Variants in SAP130 observed in about 807,000 individuals in gnomAD.
The protein encoded by SAP130 is Sin3A associated protein 130.
Under a neutral mutation model 103.2 loss-of-function variants are expected in SAP130, and 16 were observed. The ratio of observed to expected loss-of-function variants is 0.16; its 90% CI spans 0.10 to 0.24. The LOEUF (loss-of-function observed/expected upper bound fraction) is 0.24, where lower values mean the gene tolerates loss of function less well. Ranked by LOEUF, SAP130 falls within the 10% of genes least tolerant of loss-of-function variation. The pLI, the probability that SAP130 is intolerant of heterozygous loss-of-function variation, is 1.00. For synonymous variants in SAP130, 477 were observed against 497.0 expected, an observed-to-expected ratio of 0.96 and a Z score of 0.53; for missense variants, 990 against 1,359.7, an observed-to-expected ratio of 0.73 and a Z score of 4.28.
chr2:128,023,828 C>A (rs1573866211), intron 2 of SAP130, among the ~76,000 whole-genome samples: 1 of 152,068 alleles, frequency 6.6e-6, no homozygotes, highest in Non-Finnish European at 1.5e-5. Flanking sequence ...GAACTTTTAT[C>A]AAAAATCAAT....
rs573556029 is a variant in SAP130 at position 128,011,636 on chromosome 2, T to C, written c.745-1243A>G. 4.6e-5 allele frequency among the ~76,000 whole-genome samples: 7 copies of C among 152,302 alleles called. No individual in the cohort carries two copies. The South Asian group carries it at 1.2e-3, about 27-fold the overall frequency. ...TAGAGGCCTAATACTCCTCCGACTC[T>C]GTTTTCTTGGCCAGAAAAGTATTTA... On this transcript the variant is annotated intron_variant, in intron 6 of 20. Transcript: ENST00000643581.
At chr2:127,978,833 A>G (rs1035526091) in intron 14 of SAP130, among the ~76,000 whole-genome samples, 1 of 152,196 alleles carries the variant, frequency 6.6e-6, no homozygotes, top group Non-Finnish European at 1.5e-5. Context: ...TTGCCATAAG[A>G]AGAAATTAAA....
At chr2:127,960,673 A>T (rs1322546382) in intron 15 of SAP130, among the ~76,000 whole-genome samples, 8 of 152,174 alleles carry the variant, frequency 5.3e-5, no homozygotes, top group East Asian at 1.9e-4. Flanking sequence ...CACATGTTTC[A>T]AACGATATAT....
At chr2:128,000,711 T>C (rs917888249) in intron 7 of SAP130, among the ~76,000 whole-genome samples, 2 of 152,176 alleles carry the variant, frequency 1.3e-5, no homozygotes, top group African/African-American at 4.8e-5. Flanking sequence ...CAACACTCCG[T>C]AACAAACTTG....
chr2:127,945,864 G>A (rs1679040888), intron 18 of SAP130, among the ~76,000 whole-genome samples: 1 of 152,192 alleles, frequency 6.6e-6, no homozygotes, highest in Non-Finnish European at 1.5e-5. Flanking sequence ...TGTTGCCCAG[G>A]TTGGTCTTGA....
intron 15 of SAP130, among the ~76,000 whole-genome samples, chr2:127,960,758 A>T (rs1480260511): frequency 1.3e-5 from 2 of 152,042 alleles, no homozygotes; most frequent in African/African-American, 4.8e-5. Flanking sequence ...CATTCTACTG[A>T]CTCTAAGATG....
rs757916775 is a variant in SAP130 at position 127,942,436 on chromosome 2, G to A, written c.3003C>T (p.Asn1001=). 4.3e-5 allele frequency: 70 copies of A among 1,611,178 alleles called. No individual in the cohort carries two copies. The highest frequency in any genetic ancestry group is 5.4e-5 in the Non-Finnish European group (64 of 1,177,282). ...GGCGCACTCAAACCTGTATCAGTTC[G>A]TTTATTCGGTGGAGATCATCATCTG... The part of the protein sequence containing the change: ...AATDDDLHRI[N]ELIQGNMQRC... Residue 1001 remains asparagine (N), a synonymous_variant, in exon 20 of 21, where the codon AAC becomes AAT. Transcript: ENST00000643581. The surrounding 1 kb of genome is among the most constrained non-coding windows in gnomAD (Gnocchi z 4.8).
rs547416804 is a variant in SAP130, at chr2:128,015,833, C to T, written c.507+556G>A. ...GTGCCCGCTTGTAATCCTAGCTACTCGGGAGGCTGAGGCAAGAGAATGGCT... is the reference window on the plus strand; with the variant it reads ...GTGCCCGCTTGTAATCCTAGCTACTTGGGAGGCTGAGGCAAGAGAATGGCT... On this transcript the variant is annotated intron_variant, in intron 4 of 20. Transcript: ENST00000643581. Among the ~76,000 whole-genome samples the T allele has an allele frequency of 6.0e-5, 9 of 150,870 alleles. No homozygotes were observed. The East Asian group carries it at 9.8e-4, about 16-fold the overall frequency.
rs569452213 is a variant in SAP130 at position 128,022,412 on chromosome 2, T to C, written c.112+3769A>G. Among the ~76,000 whole-genome samples, 3 of 152,370 alleles carry C rather than the reference T, an allele frequency of 2.0e-5. No homozygotes were observed. In the East Asian group the frequency reaches 5.8e-4, roughly 29 times the overall value. On this transcript the variant is annotated intron_variant, in intron 2 of 20. Transcript: ENST00000643581. ...TTTTGGCTATTATGAATACAGTTTC[T>C]ACGAACATGTGAATATAAGTCCTTG... is the stretch of plus-strand genomic sequence containing the variant.
intron 18 of SAP130, among the ~76,000 whole-genome samples, chr2:127,947,237 T>C (rs1010574941): frequency 1.3e-5 from 2 of 152,168 alleles, no homozygotes; most frequent in African/African-American, 2.4e-5. Flanking sequence ...TCTGGACTTC[T>C]AGCCCCCAGA....
intron 15 of SAP130, among the ~76,000 whole-genome samples, chr2:127,965,703 T>C (rs1680608062): frequency 1.3e-5 from 2 of 151,640 alleles, no homozygotes; most frequent in African/African-American, 2.4e-5. Context: ...GGCATGAGAA[T>C]TGCTTGAACC....
At chr2:127,988,372 C>T (rs1200965601) in intron 13 of SAP130, among the ~76,000 whole-genome samples, 1 of 147,368 alleles carries the variant, frequency 6.8e-6, no homozygotes, top group African/African-American at 2.5e-5. Context: ...TACAGTGAGC[C>T]ATGATTGTAC....
chr2:128,024,356 T>C (rs573390668), intron 2 of SAP130, among the ~76,000 whole-genome samples: 1 of 151,400 alleles, frequency 6.6e-6, no homozygotes, highest in African/African-American at 2.4e-5. Context: ...GAAGGCTAAA[T>C]AGTAAGAAAT....
rs760362881 is a variant in SAP130, at chr2:127,996,530, CT to C, written c.1214-40del. Reference sequence around the variant, plus strand: ...ATGCCAATTCCATGACCATTCTACACTTTTTTTTGGCATGCCAAAACATTCT... The same window carrying C: ...ATGCCAATTCCATGACCATTCTACACTTTTTTTGGCATGCCAAAACATTCT... On this transcript the variant is annotated intron_variant, in intron 10 of 20. Transcript: ENST00000643581. This position sits in a 1 kb window ranked among gnomAD's most constrained non-coding sequence, Gnocchi z 4.3. The C allele has an allele frequency of 6.6e-5, 93 of 1,409,800 alleles. No individual in the cohort carries two copies. Among genetic ancestry groups the C allele is most frequent in the South Asian group, 4.1e-4 (25 of 60,242 alleles). 87.3% of individuals were successfully genotyped at this position (1,409,800 alleles called of 1,614,324 possible).
At chr2:127,974,190 G>A (rs550978869) in intron 15 of SAP130, among the ~76,000 whole-genome samples, 25 of 152,166 alleles carry the variant, frequency 1.6e-4, no homozygotes, top group Admixed American at 7.2e-4. Flanking sequence ...ACAGTAGCCA[G>A]AGTGATTCTT....
At chr2:127,961,437 T>C (rs2104803272) in intron 15 of SAP130, among the ~76,000 whole-genome samples, 1 of 151,846 alleles carries the variant, frequency 6.6e-6, no homozygotes, top group East Asian at 1.9e-4. Context: ...TGTGAGCCAC[T>C]GCACCTGGCC....
At chr2:128,026,614 T>C (rs537707238) in intron 1 of SAP130, among the ~76,000 whole-genome samples, 39 of 152,342 alleles carry the variant, frequency 2.6e-4, no homozygotes, top group African/African-American at 9.4e-4. Flanking sequence ...AATGCATGTG[T>C]ATTTCTCTGT....
At chr2:127,959,335 G>T (rs542197331) in intron 15 of SAP130, among the ~76,000 whole-genome samples, 18 of 152,334 alleles carry the variant, frequency 1.2e-4, no homozygotes, top group Non-Finnish European at 2.6e-4. Context: ...GGGTGGCTTG[G>T]CATGACGAAA....
chr2:127,946,455 T>C (rs1217258405), intron 18 of SAP130, among the ~76,000 whole-genome samples: 5 of 152,244 alleles, frequency 3.3e-5, no homozygotes, highest in African/African-American at 1.2e-4. Flanking sequence ...AAAAGGTGTT[T>C]AATTTTGTCA....
Sources: allele counts gnomAD v4.1 joint callset (sites outside exome capture counted in the v4.1 genomes callset), GRCh38; gene constraint gnomAD v4.1.1; non-coding constraint Gnocchi (gnomAD v3.1); transcripts MANE v1.5; gene names NCBI Gene and HGNC (gene_info 2026-07-23, HGNC 2026-07-21).